Variants in ATP8A2 observed in about 807,000 individuals in gnomAD.
ATP8A2 encodes the protein ATPase phospholipid transporting 8A2.
A neutral mutation model predicts 165.6 loss-of-function variants in ATP8A2; 100 were observed. That is an observed-to-expected ratio of 0.60 (90% CI 0.51 to 0.71). The LOEUF (loss-of-function observed/expected upper bound fraction) is 0.71. Among genes scored for constraint, ATP8A2 ranks in the 30% least tolerant of loss-of-function variants. The pLI, the probability that ATP8A2 is intolerant of heterozygous loss-of-function variation, is 0.00. For synonymous variants in ATP8A2, 543 were observed against 548.8 expected (o/e 0.99, Z 0.15); for missense variants, 1,227 against 1,479.5 (o/e 0.83, Z 2.80).
At chr13:25,923,326 G>A (rs148437815) in intron 33 of ATP8A2, among the ~76,000 whole-genome samples, 30 of 152,146 alleles carry the variant, frequency 2.0e-4, no homozygotes, top group African/African-American at 6.5e-4. Flanking sequence ...TTTATTATTT[G>A]CCTCCTACAA....
chr13:25,800,604 C>T (rs571695423), intron 27 of ATP8A2, among the ~76,000 whole-genome samples: 1 of 152,282 alleles, frequency 6.6e-6, no homozygotes, highest in East Asian at 1.9e-4. Flanking sequence ...CCTAAAAATT[C>T]ATCCATAGGA....
At chr13:25,719,458 G>A (rs3117857) in intron 25 of ATP8A2, among the ~76,000 whole-genome samples, 4 of 151,878 alleles carry the variant, frequency 2.6e-5, no homozygotes, top group Admixed American at 6.6e-5. Flanking sequence ...TGGGTGGATG[G>A]GTGGATGGGT....
intron 24 of ATP8A2, among the ~76,000 whole-genome samples, chr13:25,633,327 G>A (rs78387520): frequency 0.028 from 4,237 of 152,194 alleles, 113 homozygotes; most frequent in East Asian, 0.13. Context: ...CTGCTTTTAA[G>A]GTGAGTCATT....
At chr13:25,446,086 C>T (rs547879567) in intron 1 of ATP8A2, among the ~76,000 whole-genome samples, 2 of 152,226 alleles carry the variant, frequency 1.3e-5, no homozygotes, top group East Asian at 1.9e-4. Context: ...ATCCATAGAG[C>T]GCTGTAAGTG....
intron 2 of ATP8A2, among the ~76,000 whole-genome samples, chr13:25,526,528 G>C (rs1222098531): frequency 6.6e-6 from 1 of 152,090 alleles, no homozygotes; most frequent in Non-Finnish European, 1.5e-5. Flanking sequence ...TTCAGCATTA[G>C]ATGGTGCCTT....
intron 33 of ATP8A2, among the ~76,000 whole-genome samples, chr13:25,868,407 G>A (rs550061977): frequency 3.3e-4 from 50 of 152,218 alleles, no homozygotes; most frequent in African/African-American, 1.1e-3. Flanking sequence ...GGTGAGGAGC[G>A]GTCAGCCTCG....
intron 25 of ATP8A2, among the ~76,000 whole-genome samples, chr13:25,699,893 G>A (rs1013246962): frequency 2.8e-5 from 4 of 144,762 alleles, no homozygotes; most frequent in African/African-American, 1.0e-4. Context: ...TCCATTGGCT[G>A]CTGGCTATGT....
intron 2 of ATP8A2, among the ~76,000 whole-genome samples, chr13:25,508,296 A>G (rs1002942848): frequency 2.6e-5 from 4 of 152,224 alleles, no homozygotes; most frequent in African/African-American, 9.6e-5. Flanking sequence ...TAACAACCAC[A>G]TGACCCTCAG....
At chr13:25,606,361 T>G (rs1308278224) in intron 24 of ATP8A2, among the ~76,000 whole-genome samples, 1 of 152,208 alleles carries the variant, frequency 6.6e-6, no homozygotes, top group Non-Finnish European at 1.5e-5. Flanking sequence ...CAATCTTAAT[T>G]GTACGATTTA....
intron 2 of ATP8A2, among the ~76,000 whole-genome samples, chr13:25,512,534 A>C (rs1042269102): frequency 7.3e-6 from 1 of 137,182 alleles, no homozygotes; most frequent in African/African-American, 2.8e-5. Flanking sequence ...TCCCTCCCGG[A>C]CGGGGCGGCT....
intron 33 of ATP8A2, among the ~76,000 whole-genome samples, chr13:25,946,745 TTTTG>T (rs10693450): frequency 6.6e-6 from 1 of 151,310 alleles, no homozygotes; most frequent in Non-Finnish European, 1.5e-5. Flanking sequence ...GTTATTGGTT[TTTTG>T]TTTGTTTTGT....
intron 2 of ATP8A2, among the ~76,000 whole-genome samples, chr13:25,507,240 T>C (rs1276526393): frequency 2.6e-5 from 2 of 77,084 alleles, no homozygotes; most frequent in East Asian, 4.8e-4. Flanking sequence ...TGTGTGTGTG[T>C]GTGTGTGTGT....
intron 24 of ATP8A2, among the ~76,000 whole-genome samples, chr13:25,653,933 G>A (rs937870663): frequency 1.3e-5 from 2 of 152,000 alleles, no homozygotes; most frequent in South Asian, 2.1e-4. Flanking sequence ...GGATGCTGGC[G>A]AGAGAGAGAG....
At chr13:25,967,293 G>A (rs1196287535) in intron 34 of ATP8A2, among the ~76,000 whole-genome samples, 1 of 152,216 alleles carries the variant, frequency 6.6e-6, no homozygotes, top group Non-Finnish European at 1.5e-5. Context: ...AAGGTATTAT[G>A]TGTTAAAGCC....
chr13:25,404,572 G>A (rs1416900484), intron 1 of ATP8A2, among the ~76,000 whole-genome samples: 1 of 152,126 alleles, frequency 6.6e-6, no homozygotes, highest in Non-Finnish European at 1.5e-5. Context: ...GTGGTGGGCA[G>A]TGGATGTGCA....
intron 2 of ATP8A2, among the ~76,000 whole-genome samples, chr13:25,487,935 C>T (rs1407911489): frequency 6.6e-6 from 1 of 151,882 alleles, no homozygotes; most frequent in Admixed American, 6.6e-5. Flanking sequence ...CTTGGCTCTA[C>T]CAGGGACCAA....
intron 35 of ATP8A2, among the ~76,000 whole-genome samples, chr13:26,011,935 T>A (rs919329686): frequency 3.3e-5 from 5 of 151,862 alleles, no homozygotes; most frequent in Admixed American, 6.6e-5. Flanking sequence ...CCCATCTTTT[T>A]AAAAAAATAA....
At chr13:25,382,922 A>AT (rs1238051084) in intron 1 of ATP8A2, among the ~76,000 whole-genome samples, 7 of 145,804 alleles carry the variant, frequency 4.8e-5, no homozygotes, top group East Asian at 4.1e-4. Flanking sequence ...TGCCCAGCTA[A>AT]TTTTTTGTAT....
At chr13:25,625,559 G>A (rs1359814692) in intron 24 of ATP8A2, among the ~76,000 whole-genome samples, 1 of 152,222 alleles carries the variant, frequency 6.6e-6, no homozygotes, top group Admixed American at 6.5e-5. Context: ...AGTAGTGAAG[G>A]TCTTTGGGGA....
Sources: gnomAD v4.1 joint callset for allele counts (sites outside exome capture counted in the v4.1 genomes callset) on GRCh38, gnomAD v4.1.1 for gene constraint, MANE v1.5 for transcripts, NCBI Gene and HGNC (gene_info 2026-07-23, HGNC 2026-07-21) for gene names.